The following IL1RAPL1 variants were observed in gnomAD, a reference collection of about 807,000 sequenced individuals.
IL1RAPL1 encodes interleukin-1 receptor accessory protein-like 1.
A neutral mutation model predicts 48.4 loss-of-function variants in IL1RAPL1; 3 were observed. The observed-to-expected ratio is 0.06, with a 90% CI of 0.03 to 0.16. The LOEUF (loss-of-function observed/expected upper bound fraction) is 0.16, where lower values mean the gene tolerates loss of function less well. Among genes scored for constraint, IL1RAPL1 ranks in the 10% least tolerant of loss-of-function variants. The pLI, the probability that IL1RAPL1 is intolerant of heterozygous loss-of-function variation, is 1.00. For missense variants in IL1RAPL1, 349 were observed against 530.6 expected (o/e 0.66, Z 3.36); for synonymous variants, 185 against 187.7 (o/e 0.99, Z 0.12).
intron 2 of IL1RAPL1, among the ~76,000 whole-genome samples, chrX:28,853,052 C>T (rs1921705656): frequency 9.0e-6 from 1 of 111,051 alleles, no homozygotes; most frequent in Admixed American, 9.6e-5. Flanking sequence ...TAAATAACAG[C>T]TACCATTAAA....
intron 6 of IL1RAPL1, among the ~76,000 whole-genome samples, chrX:29,816,952 A>G (rs1483723857): frequency 9.1e-6 from 1 of 109,598 alleles, no homozygotes; most frequent in Non-Finnish European, 1.9e-5. Flanking sequence ...TCTCTCTGTT[A>G]TATATATCCT....
chrX:29,918,215 T>C (rs1932817851), intron 7 of IL1RAPL1, among the ~76,000 whole-genome samples: 1 of 82,640 alleles, frequency 1.2e-5, no homozygotes, highest in Admixed American at 1.4e-4. Flanking sequence ...TTAGTGTACT[T>C]TTTGTATATG....
At chrX:28,833,229 G>A (rs1412407123) in intron 2 of IL1RAPL1, among the ~76,000 whole-genome samples, 1 of 111,211 alleles carries the variant, frequency 9.0e-6, no homozygotes, top group Non-Finnish European at 1.9e-5. Flanking sequence ...ACCATTGATG[G>A]GGCACCCAGG....
At chrX:29,302,497 G>A (rs1488236857) in intron 3 of IL1RAPL1, among the ~76,000 whole-genome samples, 1 of 111,766 alleles carries the variant, frequency 8.9e-6, no homozygotes, top group Non-Finnish European at 1.9e-5. Flanking sequence ...GGAGATCCTA[G>A]GTGGTAAGAT....
intron 2 of IL1RAPL1, among the ~76,000 whole-genome samples, chrX:29,270,801 C>T: frequency 9.0e-6 from 1 of 111,487 alleles, no homozygotes; most frequent in Middle Eastern, 4.7e-3. Context: ...AATTAGTATG[C>T]CCATTTGATT....
rs771139566 is a variant in IL1RAPL1, at chrX:29,482,372, T to C, written c.703+83064T>C. Among the ~76,000 whole-genome samples the C allele has an allele frequency of 1.7e-3, 186 of 112,031 alleles. 1 individual carries two copies. Among genetic ancestry groups the C allele is most frequent in the African/African-American group, 5.7e-3 (176 of 30,901 alleles). ...ATTTTCTTAACCTCCCTGTATCTTA[T>C]ACATATGGGTATGATACTGGTGTTT... On this transcript the variant is annotated intron_variant, in intron 5 of 10. Transcript: ENST00000378993.
chrX:29,907,501 T>G (rs1932659042), intron 6 of IL1RAPL1, among the ~76,000 whole-genome samples: 1 of 111,711 alleles, frequency 9.0e-6, no homozygotes, highest in Non-Finnish European at 1.9e-5. Flanking sequence ...TATATGAAAC[T>G]AATTTTTGTT....
intron 2 of IL1RAPL1, among the ~76,000 whole-genome samples, chrX:29,102,436 G>A (rs1049878385): frequency 2.7e-5 from 3 of 111,735 alleles, no homozygotes; most frequent in Non-Finnish European, 5.6e-5. Context: ...GGAGGCTGAG[G>A]CGGGCGGATC....
At chrX:29,946,361 G>A (rs763853146) in intron 9 of IL1RAPL1, among the ~76,000 whole-genome samples, 4 of 112,062 alleles carry the variant, frequency 3.6e-5, no homozygotes, top group Non-Finnish European at 7.5e-5. Flanking sequence ...TCAACATGCA[G>A]AGTTCTAGTT....
intron 1 of IL1RAPL1, among the ~76,000 whole-genome samples, chrX:28,698,136 C>G (rs1156587748): frequency 9.0e-6 from 1 of 111,451 alleles, no homozygotes; most frequent in South Asian, 3.7e-4. Context: ...ATTGGATAGA[C>G]TGAACTCAGC....
intron 6 of IL1RAPL1, among the ~76,000 whole-genome samples, chrX:29,758,513 T>C (rs1226831638): frequency 9.1e-6 from 1 of 110,103 alleles, no homozygotes; most frequent in East Asian, 2.9e-4. Context: ...ACCAACATGG[T>C]GAAACCCCCG....
At position 29,802,879 on chromosome X, in the gene IL1RAPL1, A is replaced by G. The variant is rs182749881; in HGVS notation, c.779-114585A>G. On this transcript the variant is annotated intron_variant, in intron 6 of 10. Coordinates refer to ENST00000378993, the MANE Select transcript of IL1RAPL1 (RefSeq NM_014271.4). ...TATACGTGTACATATGTATACATAT[A>G]TGTATATATGTATACATATATATGT... Among the ~76,000 whole-genome samples, 272 of 83,471 alleles carry G rather than the reference A, an allele frequency of 3.3e-3. 8 individuals are homozygous for G. Among genetic ancestry groups the G allele is most frequent in the African/African-American group, 0.013 (254 of 19,966 alleles). 72.5% of individuals were successfully genotyped at this position (83,471 alleles called of 115,157 possible). A position where few individuals can be genotyped will look rare whatever the true frequency, so the allele number is the denominator to read the frequency against.
chrX:28,845,472 C>T (rs1921486158), intron 2 of IL1RAPL1, among the ~76,000 whole-genome samples: 1 of 111,462 alleles, frequency 9.0e-6, no homozygotes, highest in African/African-American at 3.3e-5. Context: ...GGAAACTATT[C>T]TGTACCTCTA....
intron 5 of IL1RAPL1, among the ~76,000 whole-genome samples, chrX:29,467,995 G>A (rs1479443071): frequency 5.4e-5 from 6 of 111,227 alleles, no homozygotes; most frequent in Non-Finnish European, 1.1e-4. Context: ...TGAGTAGCTG[G>A]GATTACAGGT....
At position 29,908,995 on chromosome X, in the gene IL1RAPL1, A is replaced by G. The variant is rs772496602; in HGVS notation, c.779-8469A>G. 2.0e-4 allele frequency among the ~76,000 whole-genome samples: 22 copies of G among 111,844 alleles called. No individual in the cohort carries two copies. The South Asian group carries it at 7.0e-3, about 36-fold the overall frequency. On this transcript the variant is annotated intron_variant, in intron 6 of 10. Transcript: ENST00000378993. ...TATAAACTTTAACAATAATAATAAT[A>G]ATGATGCTTTTATCAGCTTTTTAAA...
At chrX:28,588,683 G>A (rs1299482848) in intron 1 of IL1RAPL1, among the ~76,000 whole-genome samples, 1 of 111,784 alleles carries the variant, frequency 8.9e-6, no homozygotes, top group Non-Finnish European at 1.9e-5. Flanking sequence ...TTATCACTCA[G>A]AGTGAAAAAA....
intron 5 of IL1RAPL1, among the ~76,000 whole-genome samples, chrX:29,496,447 C>A (rs762725716): frequency 0.011 from 1,162 of 104,206 alleles, 17 homozygotes; most frequent in African/African-American, 0.039. Flanking sequence ...TATGGCATCT[C>A]CCTCCACACT....
chrX:28,890,316 T>C (rs1398480399), intron 2 of IL1RAPL1, among the ~76,000 whole-genome samples: 3 of 111,773 alleles, frequency 2.7e-5, no homozygotes, highest in Non-Finnish European at 3.8e-5. Context: ...AGTTCCCTGA[T>C]AAAATATTTG....
chrX:29,188,091 A>G (rs1290868359), intron 2 of IL1RAPL1, among the ~76,000 whole-genome samples: 1 of 111,766 alleles, frequency 8.9e-6, no homozygotes, highest in Non-Finnish European at 1.9e-5. Context: ...AAACTAGAAT[A>G]GCTTGCTTCC....
Sources: gnomAD v4.1 joint callset for allele counts (sites outside exome capture counted in the v4.1 genomes callset) on GRCh38, gnomAD v4.1.1 for gene constraint, MANE v1.5 for transcripts, NCBI Gene and HGNC (gene_info 2026-07-23, HGNC 2026-07-21) for gene names.